Variants in NELL1 observed in about 807,000 individuals in gnomAD.
The protein encoded by NELL1 is protein kinase C-binding protein NELL1.
Under a neutral mutation model 107.4 loss-of-function variants are expected in NELL1, and 76 were observed. The observed-to-expected ratio is 0.71, with a 90% CI of 0.59 to 0.86. The LOEUF (loss-of-function observed/expected upper bound fraction) is 0.86, where lower values mean the gene tolerates loss of function less well. NELL1 is among the 40% of genes least tolerant of loss of function. The pLI is 0.00. For synonymous variants in NELL1, 353 were observed against 341.2 expected, an observed-to-expected ratio of 1.03 and a Z score of -0.38; for missense variants, 1,024 against 1,005.5, an observed-to-expected ratio of 1.02 and a Z score of -0.25.
intron 13 of NELL1, among the ~76,000 whole-genome samples, chr11:21,215,869 G>C (rs995257051): frequency 1.3e-5 from 2 of 152,174 alleles, no homozygotes; most frequent in African/African-American, 4.8e-5. Flanking sequence ...ACTTTCTGGG[G>C]AGAAATTCAA....
intron 14 of NELL1, among the ~76,000 whole-genome samples, chr11:21,295,764 A>G (rs1849363039): frequency 2.0e-5 from 3 of 152,042 alleles, no homozygotes; most frequent in African/African-American, 4.8e-5. Context: ...CTTCACATCA[A>G]AATGAATTTG....
chr11:21,211,401 C>A (rs1857494502), intron 13 of NELL1, among the ~76,000 whole-genome samples: 1 of 152,096 alleles, frequency 6.6e-6, no homozygotes, highest in Non-Finnish European at 1.5e-5. Flanking sequence ...GGAGCAAAAT[C>A]ATGCTGGGCA....
At chr11:21,139,243 G>A (rs1024599057) in intron 13 of NELL1, among the ~76,000 whole-genome samples, 1 of 152,170 alleles carries the variant, frequency 6.6e-6, no homozygotes, top group Non-Finnish European at 1.5e-5. Flanking sequence ...TTTTCTAAAT[G>A]TGCTGCCATG....
intron 2 of NELL1, among the ~76,000 whole-genome samples, chr11:20,691,125 A>G (rs1854454148): frequency 6.6e-6 from 1 of 152,032 alleles, no homozygotes; most frequent in South Asian, 2.1e-4. Flanking sequence ...ATTTTTGTAC[A>G]TTGATTTTGT....
At chr11:20,848,557 T>C (rs1848742335) in intron 4 of NELL1, among the ~76,000 whole-genome samples, 1 of 152,182 alleles carries the variant, frequency 6.6e-6, no homozygotes, top group Non-Finnish European at 1.5e-5. Flanking sequence ...ACAGAGTTTT[T>C]TTTTGCATTC....
chr11:20,776,172 T>A (rs1326050092), intron 2 of NELL1, among the ~76,000 whole-genome samples: 1 of 152,162 alleles, frequency 6.6e-6, no homozygotes, highest in Non-Finnish European at 1.5e-5. Context: ...GGGCCGTGGC[T>A]CATGCTTGTA....
At position 20,947,451 on chromosome 11, in the gene NELL1, G is replaced by C. The variant is rs369593748; in HGVS notation, c.1171+16G>C. The C allele has an allele frequency of 1.2e-4, 189 of 1,594,818 alleles. 1 individual carries two copies. Among genetic ancestry groups the C allele is most frequent in the Admixed American group, 4.0e-4 (24 of 59,958 alleles). On this transcript the variant is annotated intron_variant, in intron 11 of 19. Transcript: ENST00000357134. ...GTCTGTAGAGGTAAGTGGGCTTGGTGGTGGGCCATGCGTGGGGTGAGGCTG... is the reference window on the plus strand; with the variant it reads ...GTCTGTAGAGGTAAGTGGGCTTGGTCGTGGGCCATGCGTGGGGTGAGGCTG...
At chr11:20,991,009 T>G (rs1851960149) in intron 12 of NELL1, among the ~76,000 whole-genome samples, 1 of 152,162 alleles carries the variant, frequency 6.6e-6, no homozygotes, top group African/African-American at 2.4e-5. Flanking sequence ...GTCCTGATCT[T>G]GAAAACCAAC....
intron 2 of NELL1, among the ~76,000 whole-genome samples, chr11:20,706,416 G>A (rs1332925101): frequency 2.0e-5 from 3 of 150,824 alleles, no homozygotes; most frequent in Non-Finnish European, 4.4e-5. Flanking sequence ...ACTATCACAA[G>A]GACAAAAAAC....
In NELL1 at chr11:21,030,529, A is replaced by G. The variant is rs116605876; in HGVS notation, c.1300+69969A>G. 9.8e-3 allele frequency among the ~76,000 whole-genome samples: 1,493 copies of G among 152,240 alleles called. 25 individuals are homozygous for G. Among genetic ancestry groups the G allele is most frequent in the African/African-American group, 0.034 (1,403 of 41,550 alleles). On this transcript the variant is annotated intron_variant, in intron 12 of 19. Coordinates refer to ENST00000357134, the MANE Select transcript of NELL1 (RefSeq NM_006157.5). ...ACTTATTTGATTAGGACCCAGTGAC[A>G]ATGAGAACTAACCAGGCCATTGCCT...
At chr11:21,122,141 G>A (rs1180964436) in intron 13 of NELL1, among the ~76,000 whole-genome samples, 5 of 152,156 alleles carry the variant, frequency 3.3e-5, no homozygotes, top group Non-Finnish European at 4.4e-5. Context: ...GAACAACCAG[G>A]ATCAATGATG....
chr11:21,244,158 T>C (rs940380025), intron 14 of NELL1, among the ~76,000 whole-genome samples: 1 of 152,150 alleles, frequency 6.6e-6, no homozygotes, highest in African/African-American at 2.4e-5. Context: ...ACTTCAAATT[T>C]TACTAAGATA....
intron 2 of NELL1, among the ~76,000 whole-genome samples, chr11:20,699,423 C>G (rs1375103617): frequency 2.0e-5 from 3 of 151,626 alleles, no homozygotes; most frequent in African/African-American, 7.3e-5. Flanking sequence ...TGCAGTGGTG[C>G]GATCTCCGCT....
rs769555116 is a variant in NELL1 at position 21,229,316 on chromosome 11, C to T, written c.1427-16C>T. On this transcript the variant is annotated splice_polypyrimidine_tract_variant and intron_variant, in intron 13 of 19. Transcript: ENST00000357134. ...TAAGAAAAAGTATTTCTCTTTTTCT[C>T]TCACCCTGGAAACAGAACACGATGA... 6.2e-7 allele frequency: 1 copy of T among 1,612,898 alleles called. No individual in the cohort carries two copies. Among genetic ancestry groups the T allele is most frequent in the African/African-American group, 1.3e-5 (1 of 74,854 alleles).
intron 7 of NELL1, among the ~76,000 whole-genome samples, chr11:20,923,873 A>G (rs1443877657): frequency 1.3e-5 from 2 of 152,162 alleles, no homozygotes; most frequent in African/African-American, 4.8e-5. Context: ...TTCATATAGC[A>G]AATGCCAAGT....
intron 14 of NELL1, among the ~76,000 whole-genome samples, chr11:21,280,583 C>A (rs1167966080): frequency 2.0e-5 from 3 of 152,058 alleles, no homozygotes; most frequent in Non-Finnish European, 4.4e-5. Flanking sequence ...TGCCTTGTCA[C>A]AGCAGAAGAC....
Position 20,783,723 on chromosome 11 carries a change from A to G in NELL1, c.228A>G (p.Lys76=). 1 of 1,614,068 alleles carries G rather than the reference A, an allele frequency of 6.2e-7. No homozygotes were observed. Residue 76 remains lysine, a synonymous_variant, in exon 3 of 20, where the codon AAA becomes AAG. Transcript: ENST00000357134. The part of the protein sequence containing the change: ...EIHAAPHVSE[K]LIQLFRNKSE... ...ATGCAGCTCCTCATGTGAGTGAGAA[A>G]TTAATTCAGCTGTTCCGGAACAAGA... is the stretch of plus-strand genomic sequence containing the variant.
intron 5 of NELL1, among the ~76,000 whole-genome samples, chr11:20,904,555 G>A (rs1849951197): frequency 6.6e-6 from 1 of 152,116 alleles, no homozygotes; most frequent in Non-Finnish European, 1.5e-5. Flanking sequence ...TGGACAATTA[G>A]AACATTCAAA....
intron 15 of NELL1, among the ~76,000 whole-genome samples, chr11:21,470,993 A>AAT (rs1180840127): frequency 2.0e-5 from 3 of 152,118 alleles, no homozygotes; most frequent in Admixed American, 2.0e-4. Flanking sequence ...GTCACTTATA[A>AAT]ATATTGTCAT....
Sources: allele counts gnomAD v4.1 joint callset (sites outside exome capture counted in the v4.1 genomes callset), GRCh38; gene constraint gnomAD v4.1.1; transcripts MANE v1.5; gene names NCBI Gene and HGNC (gene_info 2026-07-23, HGNC 2026-07-21).